Variants in HERC2 observed in about 807,000 individuals in gnomAD.
The protein encoded by HERC2 is HECT and RLD domain containing E3 ubiquitin protein ligase 2, also known as E3 ubiquitin-protein ligase HERC2.
Under a neutral mutation model 537.7 loss-of-function variants are expected in HERC2, and 102 were observed. The observed-to-expected ratio is 0.19, with a 90% confidence interval of 0.16 to 0.22. HERC2 has a LOEUF of 0.22. Ranked by LOEUF, HERC2 falls within the 10% of genes least tolerant of loss-of-function variation. The pLI is 1.00. For missense variants in HERC2, 4,236 were observed against 6,198.2 expected (o/e 0.68, Z 10.63); for synonymous variants, 2,224 against 2,466.2 (o/e 0.90, Z 2.91).
intron 30 of HERC2, among the ~76,000 whole-genome samples, 199 bp from the exon 31 acceptor site, chr15:28,230,699 G>A (rs1266230810): frequency 1.3e-5 from 2 of 151,924 alleles, no homozygotes; most frequent in Non-Finnish European, 2.9e-5. Flanking sequence ...AGTGCGACGA[G>A]GGGAGAAGCC....
Position 28,238,025 on chromosome 15 carries a change from C to G in HERC2, c.3852+89G>C, listed in dbSNP as rs1596303435. The G allele has an allele frequency of 5.9e-5, 52 of 874,046 alleles. 1 individual carries two copies. In the East Asian group the frequency reaches 1.2e-3, roughly 20 times the overall value. 54.1% of individuals were successfully genotyped at this position (874,046 alleles called of 1,614,324 possible). ...AATGCCCCACAAAAGACCCAGATAT[C>G]AGTACTTCTAGATCCAAATATTCCT... On this transcript the variant is annotated intron_variant, in intron 25 of 92. Transcript: ENST00000261609.
intron 65 of HERC2, among the ~76,000 whole-genome samples, chr15:28,173,898 G>A (rs1447384772): frequency 6.6e-6 from 1 of 151,962 alleles, no homozygotes; most frequent in Non-Finnish European, 1.5e-5. Context: ...CAGGAAGGAG[G>A]GAGTTAAAAG....
intron 2 of HERC2, among the ~76,000 whole-genome samples, chr15:28,305,492 T>A (rs1212351081): frequency 8.1e-6 from 1 of 123,232 alleles, no homozygotes; most frequent in Non-Finnish European, 1.8e-5. Context: ...AAGCTGAAAC[T>A]GGATCCCTTC....
intron 2 of HERC2, among the ~76,000 whole-genome samples, chr15:28,304,705 T>C: frequency 7.0e-6 from 1 of 142,468 alleles, no homozygotes; most frequent in African/African-American, 2.9e-5. Flanking sequence ...GGCTTCCATT[T>C]TTTTTTTTTT....
intron 89 of HERC2, 161 bp downstream of exon 89, chr15:28,115,262 ATTTTTT>A (rs11375781): frequency 7.8e-5 from 30 of 382,394 alleles, no homozygotes; most frequent in South Asian, 1.3e-4. Flanking sequence ...TAGATGGTCT[ATTTTTT>A]TTTTTTTTTT....
chr15:28,155,351 G>A (rs531509335), intron 69 of HERC2, among the ~76,000 whole-genome samples: 169 of 152,202 alleles, frequency 1.1e-3, no homozygotes, highest in African/African-American at 3.6e-3. Flanking sequence ...ACTGTGTTCC[G>A]CAGTGGTTGA....
chr15:28,295,998 A>G (rs574536715), intron 3 of HERC2, among the ~76,000 whole-genome samples: 2 of 152,238 alleles, frequency 1.3e-5, no homozygotes, highest in African/African-American at 4.8e-5. Context: ...CATATTTGAC[A>G]AATTCTGAGA....
In HERC2 at chr15:28,280,290, A is replaced by G. The variant is rs778946030; in HGVS notation, c.323-3T>C. 1 of 1,601,158 alleles carries G rather than the reference A, an allele frequency of 6.2e-7. No individual in the cohort carries two copies. Among genetic ancestry groups the G allele is most frequent in the South Asian group, 1.1e-5 (1 of 88,754 alleles). On this transcript the variant is annotated splice_polypyrimidine_tract_variant and splice_region_variant and intron_variant, in intron 4 of 92. Transcript: ENST00000261609. The stretch of plus-strand genomic sequence containing the variant: ...ACACTCCTTCAGTTCATTCACATCT[A>G]GAAAATAAGACAAGAAAACATCTCA...
chr15:28,197,428 C>T lies in HERC2; in HGVS notation c.8012-859G>A, dbSNP rs150289465. On this transcript the variant is annotated intron_variant, in intron 50 of 92. Transcript: ENST00000261609. Reference sequence around the variant, plus strand: ...CTAATTCCCATCATTAGCACATTTCCATTTCTTAAATTCAGTCCTAAATTT... The same window carrying T: ...CTAATTCCCATCATTAGCACATTTCTATTTCTTAAATTCAGTCCTAAATTT... Among the ~76,000 whole-genome samples the T allele has an allele frequency of 2.8e-3, 428 of 152,244 alleles. 3 individuals carry two copies. The highest frequency in any genetic ancestry group is 9.7e-3 in the African/African-American group (405 of 41,544).
intron 22 of HERC2, 114 bp from the exon 23 acceptor site, chr15:28,246,180 T>C (rs964700192): frequency 3.1e-5 from 21 of 670,676 alleles, no homozygotes; most frequent in African/African-American, 1.5e-4. Flanking sequence ...GTTTGTCCTT[T>C]AGCATATTTC....
At chr15:28,315,830 G>A (rs2077067437) in intron 2 of HERC2, 6 of 722,468 alleles carry the variant, frequency 8.3e-6, no homozygotes, top group South Asian at 1.4e-5. Context: ...GCCAGACGCT[G>A]GGGATGCTGG....
At chr15:28,144,827 G>T in intron 71 of HERC2, 23 bp from the exon 72 acceptor site, 1 of 1,613,744 alleles carries the variant, frequency 6.2e-7, no homozygotes, top group Non-Finnish European at 8.5e-7. Flanking sequence ...AGCGCACCCC[G>T]GGGTTAGCTT....
intron 70 of HERC2, among the ~76,000 whole-genome samples, chr15:28,148,298 A>T (rs1207382404): frequency 6.6e-6 from 1 of 152,222 alleles, no homozygotes; most frequent in Non-Finnish European, 1.5e-5. Context: ...GTAAAATCAA[A>T]TAAACACAGC....
At chr15:28,224,169 A>G (rs1237885485) in intron 35 of HERC2, among the ~76,000 whole-genome samples, 1 of 151,668 alleles carries the variant, frequency 6.6e-6, no homozygotes. Context: ...ACACACACAG[A>G]GAGAGAGAGA....
intron 51 of HERC2, 38 bp downstream of exon 51, chr15:28,196,423 G>C (rs535874157): frequency 4.5e-6 from 7 of 1,568,386 alleles, no homozygotes; most frequent in Non-Finnish European, 6.1e-6. Context: ...AAAACCATTC[G>C]TCCCAAAGCA....
intron 22 of HERC2, 63 bp from the exon 23 acceptor site, chr15:28,246,129 T>G (rs1327385482): frequency 2.8e-6 from 3 of 1,088,236 alleles, no homozygotes; most frequent in Non-Finnish European, 2.6e-6. Context: ...TTTGTAAACT[T>G]GTTCTGTGTT....
intron 78 of HERC2, among the ~76,000 whole-genome samples, chr15:28,140,077 AAAG>A (rs1223582446): frequency 1.1e-4 from 17 of 152,110 alleles, no homozygotes; most frequent in South Asian, 4.2e-4. Context: ...CAAAAAAAAA[AAAG>A]AAGAAGAAGA....
At chr15:28,252,297 T>G (rs1366799590) in intron 20 of HERC2, among the ~76,000 whole-genome samples, 11 of 151,456 alleles carry the variant, frequency 7.3e-5, no homozygotes, top group Non-Finnish European at 1.3e-4. Flanking sequence ...CACGGGAACA[T>G]TCTGGGCAAG....
At chr15:28,303,616 T>C (rs750099260) in intron 2 of HERC2, among the ~76,000 whole-genome samples, 7 of 152,204 alleles carry the variant, frequency 4.6e-5, no homozygotes, top group Non-Finnish European at 8.8e-5. Context: ...AGGGATTACA[T>C]TGAACCTGTA....
Sources: allele counts gnomAD v4.1 joint callset (sites outside exome capture counted in the v4.1 genomes callset), GRCh38; gene constraint gnomAD v4.1.1; transcripts MANE v1.5; gene names NCBI Gene and HGNC (gene_info 2026-07-23, HGNC 2026-07-21).